The following MTUS1 variants were observed in gnomAD, a reference collection of about 807,000 sequenced individuals.
MTUS1 encodes the protein microtubule associated scaffold protein 1.
A neutral mutation model predicts 120.8 loss-of-function variants in MTUS1; 109 were observed. The ratio of observed to expected loss-of-function variants is 0.90; its 90% confidence interval spans 0.77 to 1.06. MTUS1 has a LOEUF of 1.06. MTUS1 is among the 50% of genes least tolerant of loss of function. MTUS1 has a pLI of 0.00. For synonymous variants in MTUS1, 737 were observed against 550.5 expected (o/e 1.34, Z -4.74); for missense variants, 2,210 against 1,486.3 (o/e 1.49, Z -8.01).
chr8:17,760,051 CTTTTCTTTTTTTT>C (rs1384301112), intron 1 of MTUS1, among the ~76,000 whole-genome samples: 6 of 130,210 alleles, frequency 4.6e-5, no homozygotes, highest in Non-Finnish European at 9.8e-5. Flanking sequence ...TCTACGATTT[CTTTTCTTTTTTTT>C]TTTTTTTTTA....
intron 14 of MTUS1, 141 bp from the exon 15 acceptor site, chr8:17,646,280 T>C: frequency 9.9e-7 from 1 of 1,005,458 alleles, no homozygotes; most frequent in Non-Finnish European, 1.4e-6. Flanking sequence ...CACAGGTATT[T>C]GGCTGGCTAA....
intron 3 of MTUS1, among the ~76,000 whole-genome samples, chr8:17,735,185 A>G (rs1480668742): frequency 6.6e-6 from 1 of 152,184 alleles, no homozygotes; most frequent in African/African-American, 2.4e-5. Flanking sequence ...GGTGCTTCCC[A>G]GTCTGTAGCC....
At chr8:17,709,926 G>C (rs913924189) in intron 6 of MTUS1, among the ~76,000 whole-genome samples, 6 of 151,646 alleles carry the variant, frequency 4.0e-5, no homozygotes, top group African/African-American at 1.2e-4. Flanking sequence ...AGAATGGCGT[G>C]AACCCGGGAG....
At chr8:17,760,907 C>G (rs1019233841) in intron 1 of MTUS1, among the ~76,000 whole-genome samples, 2 of 151,058 alleles carry the variant, frequency 1.3e-5, no homozygotes, top group Admixed American at 1.3e-4. Flanking sequence ...AGGTATAACA[C>G]CAGAACAAGG....
At chr8:17,744,348 A>C (rs531616836) in intron 2 of MTUS1, among the ~76,000 whole-genome samples, 1 of 152,206 alleles carries the variant, frequency 6.6e-6, no homozygotes, top group African/African-American at 2.4e-5. Flanking sequence ...CATAATAAGA[A>C]CCTTGGTCTC....
At chr8:17,666,294 A>C (rs1382707236) in intron 8 of MTUS1, among the ~76,000 whole-genome samples, 1 of 149,354 alleles carries the variant, frequency 6.7e-6, no homozygotes, top group Non-Finnish European at 1.5e-5. Flanking sequence ...AAAAAAAAAA[A>C]AGGATGATTT....
At chr8:17,745,671 C>T (rs1049881930) in intron 2 of MTUS1, among the ~76,000 whole-genome samples, 15 of 152,316 alleles carry the variant, frequency 9.8e-5, no homozygotes, top group African/African-American at 3.6e-4. Context: ...AGCTAGTTTT[C>T]AATCCTTCCC....
intron 4 of MTUS1, among the ~76,000 whole-genome samples, chr8:17,719,994 G>A (rs2045699409): frequency 6.8e-6 from 1 of 147,538 alleles, no homozygotes; most frequent in Non-Finnish European, 1.5e-5. Flanking sequence ...AGGAGAGTAT[G>A]GAGGCTGGAG....
chr8:17,787,133 C>G (rs1435367263), intron 1 of MTUS1, among the ~76,000 whole-genome samples: 1 of 152,152 alleles, frequency 6.6e-6, no homozygotes, highest in Non-Finnish European at 1.5e-5. Flanking sequence ...AAGGAGGGGC[C>G]ACCGCTCCCT....
intron 3 of MTUS1, among the ~76,000 whole-genome samples, chr8:17,735,241 G>A (rs141136424): frequency 5.3e-5 from 8 of 152,114 alleles, no homozygotes; most frequent in African/African-American, 1.7e-4. Context: ...ATTCTCCTCC[G>A]GAAAACTTCT....
At chr8:17,798,406 C>T (rs143900838) in intron 1 of MTUS1, among the ~76,000 whole-genome samples, 2,782 of 152,072 alleles carry the variant, frequency 0.018, 68 homozygotes, top group African/African-American at 0.063. Context: ...GATCTCGGCT[C>T]ACTGCAACCT....
intron 6 of MTUS1, among the ~76,000 whole-genome samples, chr8:17,687,271 C>T (rs988763077): frequency 6.6e-6 from 1 of 152,066 alleles, no homozygotes; most frequent in African/African-American, 2.4e-5. Context: ...GCATGGCAGC[C>T]GATGACCCAG....
intron 8 of MTUS1, chr8:17,664,124 T>C (rs1181359553): frequency 2.6e-5 from 4 of 152,228 alleles, no homozygotes; most frequent in Non-Finnish European, 2.9e-5. Context: ...AAAAGCAGCA[T>C]TGCTGGCCTC....
At chr8:17,695,892 C>T (rs532210979) in intron 6 of MTUS1, among the ~76,000 whole-genome samples, 10 of 152,264 alleles carry the variant, frequency 6.6e-5, no homozygotes, top group East Asian at 1.9e-4. Context: ...GCTGTCTCCA[C>T]GGAGAGCAGA....
At chr8:17,797,930 C>A (rs145845994) in intron 1 of MTUS1, among the ~76,000 whole-genome samples, 2 of 152,066 alleles carry the variant, frequency 1.3e-5, no homozygotes, top group Non-Finnish European at 2.9e-5. Flanking sequence ...CGTGTTCCCC[C>A]GCCCCCCCAA....
intron 7 of MTUS1, among the ~76,000 whole-genome samples, chr8:17,677,210 AG>A (rs1407155350): frequency 1.3e-5 from 2 of 152,256 alleles, no homozygotes; most frequent in African/African-American, 4.8e-5. Flanking sequence ...TAATAATGGA[AG>A]AAAAACATAA....
intron 8 of MTUS1, among the ~76,000 whole-genome samples, chr8:17,659,779 T>C (rs7012728): frequency 0.027 from 4,101 of 152,312 alleles, 118 homozygotes; most frequent in African/African-American, 0.072. Flanking sequence ...TTCAGTGGCA[T>C]TGAATACACT....
intron 3 of MTUS1, among the ~76,000 whole-genome samples, chr8:17,731,813 T>G (rs1222108289): frequency 6.6e-6 from 1 of 152,212 alleles, no homozygotes; most frequent in Non-Finnish European, 1.5e-5. Context: ...TTATTATTAT[T>G]CTTTTATTTA....
chr8:17,689,213 AAAACAAAC>A (rs748756365), intron 6 of MTUS1, among the ~76,000 whole-genome samples: 2 of 152,232 alleles, frequency 1.3e-5, no homozygotes, highest in East Asian at 1.9e-4. Context: ...TCCGTTCTCA[AAAACAAAC>A]AAACAAACAA....
Sources: allele counts gnomAD v4.1 joint callset (sites outside exome capture counted in the v4.1 genomes callset), GRCh38; gene constraint gnomAD v4.1.1; transcripts MANE v1.5; gene names NCBI Gene and HGNC (gene_info 2026-07-23, HGNC 2026-07-21).